SDK1: variants seen among roughly 807,000 people sequenced by gnomAD.
The protein encoded by SDK1 is protein sidekick-1.
In SDK1, 157 loss-of-function variants were observed where a neutral mutation model predicts 245.5. That is an observed-to-expected ratio of 0.64 (90% confidence interval 0.56 to 0.73). The LOEUF is 0.73. Ranked by LOEUF, SDK1 falls within the 30% of genes least tolerant of loss-of-function variation. SDK1 has a pLI of 0.00. For synonymous variants in SDK1, 1,647 were observed against 1,278.5 expected, an observed-to-expected ratio of 1.29 and a Z score of -6.15; for missense variants, 3,583 against 3,002.3, an observed-to-expected ratio of 1.19 and a Z score of -4.52.
chr7:4,121,513 C>A (rs1192508121), intron 25 of SDK1, among the ~76,000 whole-genome samples: 1 of 152,174 alleles, frequency 6.6e-6, no homozygotes, highest in African/African-American at 2.4e-5. Flanking sequence ...TCCCCTTCAC[C>A]TTCCATCACG....
intron 5 of SDK1, among the ~76,000 whole-genome samples, chr7:3,884,044 T>TTTTG (rs776197135): frequency 4.9e-5 from 7 of 141,594 alleles, no homozygotes; most frequent in African/African-American, 8.4e-5. Context: ...GTGATTGGTT[T>TTTTG]TTTGTTTGTT....
intron 5 of SDK1, among the ~76,000 whole-genome samples, chr7:3,927,424 C>A (rs962734285): frequency 2.0e-5 from 3 of 152,138 alleles, no homozygotes; most frequent in Admixed American, 2.0e-4. Flanking sequence ...TTTGTTCTCA[C>A]AACAACTCTG....
chr7:3,743,967 A>G (rs1365440531), intron 4 of SDK1, among the ~76,000 whole-genome samples: 4 of 152,174 alleles, frequency 2.6e-5, no homozygotes, highest in Admixed American at 1.3e-4. Context: ...ATCCTGTGTA[A>G]TTAATAAGAC....
At chr7:3,746,513 G>T (rs1779625625) in intron 4 of SDK1, among the ~76,000 whole-genome samples, 1 of 152,164 alleles carries the variant, frequency 6.6e-6, no homozygotes, top group South Asian at 2.1e-4. Flanking sequence ...TCCAAAATTG[G>T]AGTCACTCCT....
At chr7:4,198,891 G>C (rs1339119541) in intron 35 of SDK1, among the ~76,000 whole-genome samples, 1 of 149,844 alleles carries the variant, frequency 6.7e-6, no homozygotes, top group African/African-American at 2.5e-5. Flanking sequence ...TCGGCTCACT[G>C]CAACCTCCGC....
chr7:3,734,042 G>C (rs778890670), intron 4 of SDK1, among the ~76,000 whole-genome samples: 1 of 152,200 alleles, frequency 6.6e-6, no homozygotes, highest in Non-Finnish European at 1.5e-5. Context: ...GTAAGCCCTG[G>C]CTGTGCCCTG....
At chr7:4,209,449 CA>C (rs965050130) in intron 37 of SDK1, among the ~76,000 whole-genome samples, 1 of 152,232 alleles carries the variant, frequency 6.6e-6, no homozygotes, top group Non-Finnish European at 1.5e-5. Context: ...GGCTCCACAT[CA>C]CCCCGGCCAC....
chr7:3,387,148 C>T (rs553958869), intron 1 of SDK1, among the ~76,000 whole-genome samples: 51 of 152,178 alleles, frequency 3.4e-4, no homozygotes, highest in African/African-American at 6.3e-4. Flanking sequence ...ATTTCAGGCC[C>T]GACTCATACC....
intron 3 of SDK1, among the ~76,000 whole-genome samples, chr7:3,640,528 C>T (rs1297661524): frequency 6.6e-6 from 1 of 152,122 alleles, no homozygotes; most frequent in Non-Finnish European, 1.5e-5. Context: ...AACTTTTATT[C>T]AATTGAATGA....
In SDK1 at chr7:3,958,926, T is replaced by C; in HGVS notation, c.1151-5T>C. 6.2e-7 allele frequency: 1 copy of C among 1,612,308 alleles called. No homozygotes were observed. Among genetic ancestry groups the C allele is most frequent in the Non-Finnish European group, 8.5e-7 (1 of 1,178,514 alleles). On this transcript the variant is annotated splice_region_variant and splice_polypyrimidine_tract_variant and intron_variant, in intron 7 of 44. Transcript: ENST00000404826. ...AGGGGCTTTTTTTTATTTTCTTGTTTGAAGAGCCACCATATTTTACTGCTG... is the reference window on the plus strand; with the variant it reads ...AGGGGCTTTTTTTTATTTTCTTGTTCGAAGAGCCACCATATTTTACTGCTG...
intron 2 of SDK1, among the ~76,000 whole-genome samples, chr7:3,627,838 C>G (rs1203609586): frequency 1.3e-5 from 2 of 152,146 alleles, no homozygotes; most frequent in Non-Finnish European, 2.9e-5. Flanking sequence ...ATAAAAAATC[C>G]ACATATTACA....
At chr7:3,572,485 G>A (rs2128629985) in intron 1 of SDK1, among the ~76,000 whole-genome samples, 1 of 152,104 alleles carries the variant, frequency 6.6e-6, no homozygotes, top group Middle Eastern at 3.4e-3. Context: ...GCAGACCAAT[G>A]AATGACCACA....
intron 42 of SDK1, among the ~76,000 whole-genome samples, chr7:4,239,565 T>C (rs931977560): frequency 6.6e-6 from 1 of 152,208 alleles, no homozygotes; most frequent in African/African-American, 2.4e-5. Context: ...GGTTTCACCA[T>C]GTTGGCCAGG....
intron 1 of SDK1, among the ~76,000 whole-genome samples, chr7:3,544,702 C>G (rs534439391): frequency 6.6e-6 from 1 of 152,166 alleles, no homozygotes. Flanking sequence ...CTAGGATATG[C>G]TACAGCACTT....
At chr7:3,805,133 T>C (rs1043878608) in intron 4 of SDK1, among the ~76,000 whole-genome samples, 1 of 152,244 alleles carries the variant, frequency 6.6e-6, no homozygotes, top group Non-Finnish European at 1.5e-5. Flanking sequence ...CATAAGTACA[T>C]ACAATTTTTA....
At chr7:3,476,597 G>T (rs1170171807) in intron 1 of SDK1, among the ~76,000 whole-genome samples, 1 of 152,142 alleles carries the variant, frequency 6.6e-6, no homozygotes. Flanking sequence ...TTCTACCTAT[G>T]CCATTGTTTT....
At chr7:3,796,683 A>C (rs1416037231) in intron 4 of SDK1, among the ~76,000 whole-genome samples, 1 of 152,190 alleles carries the variant, frequency 6.6e-6, no homozygotes, top group Admixed American at 6.5e-5. Context: ...TGATAACAAA[A>C]ATGGCTTTCA....
chr7:4,060,505 A>C (rs866026819), intron 19 of SDK1, among the ~76,000 whole-genome samples: 24 of 151,882 alleles, frequency 1.6e-4, no homozygotes, highest in African/African-American at 5.1e-4. Flanking sequence ...TTTTTCTTGT[A>C]AATTTGTTTG....
At chr7:3,574,566 C>G (rs1359311664) in intron 1 of SDK1, among the ~76,000 whole-genome samples, 1 of 152,050 alleles carries the variant, frequency 6.6e-6, no homozygotes, top group Non-Finnish European at 1.5e-5. Context: ...CCCCACTATG[C>G]CCTTGGCTCT....
Sources: gnomAD v4.1 joint callset for allele counts (sites outside exome capture counted in the v4.1 genomes callset) on GRCh38, gnomAD v4.1.1 for gene constraint, MANE v1.5 for transcripts, NCBI Gene and HGNC (gene_info 2026-07-23, HGNC 2026-07-21) for gene names.